The following KRT40 variants were observed in gnomAD, a reference collection of about 807,000 sequenced individuals.
KRT40 encodes keratin, type I cytoskeletal 40.
A neutral mutation model predicts 43.5 loss-of-function variants in KRT40; 47 were observed. The ratio of observed to expected loss-of-function variants is 1.08; its 90% CI spans 0.86 to 1.38. KRT40 has a LOEUF of 1.38. Among genes scored for constraint, KRT40 ranks in the 40% most tolerant of loss-of-function variants. KRT40 has a pLI of 0.00. For synonymous variants in KRT40, 212 were observed against 214.0 expected (o/e 0.99, Z 0.08); for missense variants, 573 against 523.6 (o/e 1.09, Z -0.92).
At chr17:40,982,673 G>C (rs4998926) in intron 2 of KRT40, among the ~76,000 whole-genome samples, 14 of 151,798 alleles carry the variant, frequency 9.2e-5, no homozygotes, top group African/African-American at 2.2e-4. Context: ...GTGTGAGAGA[G>C]AGAGATTGAG....
At position 40,979,030 on chromosome 17, in the gene KRT40, G is replaced by A. The variant is rs746985781; in HGVS notation, c.976-6C>T. On this transcript the variant is annotated splice_region_variant and splice_polypyrimidine_tract_variant and intron_variant, in intron 5 of 6. Transcript: ENST00000377755. ...GTGCATTCCAGAGATTCTGTCTGCG[G>A]GAGGAAACATTGTCCAAAGGACCAT... The A allele has an allele frequency of 2.6e-5, 42 of 1,610,178 alleles. No individual in the cohort carries two copies. The Middle Eastern group carries it at 1.7e-3, about 64-fold the overall frequency.
chr17:40,986,101 T>C (rs7225253), upstream of KRT40, among the ~76,000 whole-genome samples: 464 of 152,316 alleles, frequency 3.0e-3, no homozygotes, highest in African/African-American at 0.011. Flanking sequence ...AATATAGAAA[T>C]CACCCAGAAT....
chr17:40,986,961 C>T (rs1234242531), upstream of KRT40: 1 of 152,164 alleles, frequency 6.6e-6, no homozygotes, highest in Admixed American at 6.5e-5. Flanking sequence ...CTCACAAACC[C>T]TAAGCTCCAG....
rs1912330005 is a variant in KRT40 at position 40,984,057 on chromosome 17, A to G, written c.217T>C (p.Leu73=). 4 of 1,614,082 alleles carry G rather than the reference A, an allele frequency of 2.5e-6. No individual in the cohort carries two copies. The highest frequency in any genetic ancestry group is 1.6e-4 in the Middle Eastern group (1 of 6,062). ...TCACACCAGGCACAGTTCCCCACCA[A>G]GCAGGGACTATTACAACTCCCAGTA... is the stretch of plus-strand genomic sequence containing the variant. ...YFTGSCNSPC[L]VGNCAWCEDG... The change falls in exon 1 of 7, where the codon TTG becomes CTG. Residue 73 remains leucine (L), a synonymous_variant. Coordinates refer to ENST00000377755, the MANE Select transcript of KRT40 (RefSeq NM_001389244.1).
At position 40,983,832 on chromosome 17, in the gene KRT40, G is replaced by A. The variant is rs1912309921; in HGVS notation, c.442C>T (p.Gln148Ter). The change falls in exon 1 of 7, where the codon CAA (glutamine) becomes TAA (stop). Residue 148 changes from glutamine (Q) to a stop codon, truncating the protein, a stop_gained. Coordinates refer to ENST00000377755, the MANE Select transcript of KRT40 (RefSeq NM_001389244.1). LOFTEE classifies it high-confidence loss of function. ...TAGGGCAACAGGACACAGACCTTTT[G>A]TTGGAGATCTTCAATGGTGTTGAAG... The part of the protein sequence containing the change: ...RYFNTIEDLQ[Q>*]KILCTKAENS... 6.2e-7 allele frequency: 1 copy of A among 1,613,054 alleles called. No homozygotes were observed. The highest frequency in any genetic ancestry group is 8.5e-7 in the Non-Finnish European group (1 of 1,179,062).
At chr17:40,983,792 A>T in intron 1 of KRT40, 35 bp downstream of exon 1, 1 of 1,589,870 alleles carries the variant, frequency 6.3e-7, no homozygotes, top group South Asian at 1.1e-5. Context: ...ACCATAGATC[A>T]GGAAGGTGGA....
chr17:40,982,260 A>C (rs769614095), intron 3 of KRT40, 47 bp downstream of exon 3: 2 of 1,443,668 alleles, frequency 1.4e-6, no homozygotes, highest in South Asian at 3.1e-5. Context: ...TGTCAATGTA[A>C]GTACGTTACT....
At chr17:40,984,960 A>C (rs1439202394), upstream of KRT40, among the ~76,000 whole-genome samples, 1 of 152,172 alleles carries the variant, frequency 6.6e-6, no homozygotes, top group Non-Finnish European at 1.5e-5. Context: ...GCTAAAATAT[A>C]AATTGGTTAG....
In KRT40 at chr17:40,982,339, C is replaced by T; in HGVS notation, c.655G>A (p.Asp219Asn). Residue 219 changes from aspartate (D) to asparagine (N), a missense_variant, in exon 3 of 7, where the codon GAT becomes AAT. Asp to Asn is a conservative substitution (Grantham distance 23). Coordinates refer to ENST00000377755, the MANE Select transcript of KRT40 (RefSeq NM_001389244.1). ...LEAHVESLKEDLLCLKKNHEE... is the reference protein window; with the variant it reads ...LEAHVESLKENLLCLKKNHEE... The stretch of plus-strand genomic sequence containing the variant: ...TGGTTTTTCTTAAGGCAAAGGAGAT[C>T]TTCCTTCAGAGACTCCACATGGGCC... 1 of 1,597,668 alleles carries T rather than the reference C, an allele frequency of 6.3e-7. No individual in the cohort carries two copies. Among genetic ancestry groups the T allele is most frequent in the Non-Finnish European group, 8.5e-7 (1 of 1,173,476 alleles).
Position 40,981,136 on chromosome 17 carries a change from G to A in KRT40, c.703C>T (p.Arg235Cys), listed in dbSNP as rs1345573060. The change falls in exon 4 of 7, where the codon CGT becomes TGT. Residue 235 changes from arginine (R) to cysteine (C), a missense_variant. Transcript: ENST00000377755. ...KNHEEEVNLL[R>C]EQLGDRLSVE... ...CTGAGGCGGTCGCCAAGCTGTTCACGAAGCAAGTTGACTTCCTGAAAGTGG... is the reference window on the plus strand; with the variant it reads ...CTGAGGCGGTCGCCAAGCTGTTCACAAAGCAAGTTGACTTCCTGAAAGTGG... The A allele has an allele frequency of 4.3e-6, 7 of 1,613,688 alleles. No individual in the cohort carries two copies. Among genetic ancestry groups the A allele is most frequent in the Admixed American group, 1.7e-5 (1 of 59,948 alleles).
intron 3 of KRT40, 86 bp downstream of exon 3, chr17:40,982,221 A>G: frequency 7.7e-7 from 1 of 1,293,406 alleles, no homozygotes; most frequent in Non-Finnish European, 1.0e-6. Context: ...ATCTGCCCAA[A>G]TTCGATTTAC....
chr17:40,986,781 T>A (rs544535854), upstream of KRT40: 1 of 151,830 alleles, frequency 6.6e-6, no homozygotes. Flanking sequence ...CATAATACTA[T>A]GCTCTTACCT....
chr17:40,984,348 G>C, upstream of KRT40: 1 of 1,149,774 alleles, frequency 8.7e-7, no homozygotes, highest in Non-Finnish European at 1.2e-6. Flanking sequence ...TCTCCTGAGA[G>C]TTTTATAACC....
intron 6 of KRT40, 30 bp downstream of exon 6, chr17:40,978,774 G>C (rs749518781): frequency 9.5e-6 from 15 of 1,579,582 alleles, no homozygotes; most frequent in South Asian, 3.3e-5. Flanking sequence ...TGTGACTCTG[G>C]GGGATTTCAT....
At chr17:40,986,016 G>T (rs1041393158), upstream of KRT40, among the ~76,000 whole-genome samples, 1 of 152,150 alleles carries the variant, frequency 6.6e-6, no homozygotes, top group Non-Finnish European at 1.5e-5. Context: ...TGTCCTGCAG[G>T]TAGGACTATT....
chr17:40,984,105 C>A lies in KRT40; in HGVS notation c.169G>T (p.Gly57Cys). Reference sequence around the variant, plus strand: ...GTAAAGTAGCATGGCAGGAGGCAACCAGTCAGCCCGCGAGACCTGGATAGG... The same window carrying A: ...GTAAAGTAGCATGGCAGGAGGCAACAAGTCAGCCCGCGAGACCTGGATAGG... ...SFLSRSRGLTGCLLPCYFTGS... is the reference protein window; with the variant it reads ...SFLSRSRGLTCCLLPCYFTGS... The change falls in exon 1 of 7, where the codon GGT (glycine) becomes TGT (cysteine). Residue 57 changes from glycine to cysteine, a missense_variant. Physicochemically the swap from Gly to Cys is radical, Grantham distance 159 (BLOSUM62 -3). Coordinates refer to ENST00000377755, the MANE Select transcript of KRT40 (RefSeq NM_001389244.1). 6.2e-7 allele frequency: 1 copy of A among 1,614,060 alleles called. No homozygotes were observed. Among genetic ancestry groups the A allele is most frequent in the Non-Finnish European group, 8.5e-7 (1 of 1,180,010 alleles).
intron 5 of KRT40, among the ~76,000 whole-genome samples, chr17:40,980,004 T>A (rs540411077): frequency 1.6e-4 from 25 of 152,230 alleles, no homozygotes. Flanking sequence ...ATATCACATC[T>A]ACGTAAAAAA....
chr17:40,984,228 C>G lies in KRT40; in HGVS notation c.46G>C (p.Gly16Arg). 6.2e-7 allele frequency: 1 copy of G among 1,613,834 alleles called. No individual in the cohort carries two copies. The highest frequency in any genetic ancestry group is 1.1e-5 in the South Asian group (1 of 91,040). ...GCAGGTGCACAACCGGAAGCCGTGCCACAGGACTCAGGAGAGCAGTGTGTG... is the reference window on the plus strand; with the variant it reads ...GCAGGTGCACAACCGGAAGCCGTGCGACAGGACTCAGGAGAGCAGTGTGTG... ...SSTHCSPESCGTASGCAPASS... is the reference protein window; with the variant it reads ...SSTHCSPESCRTASGCAPASS... The change falls in exon 1 of 7, where the codon GGC becomes CGC. Residue 16 changes from glycine (G) to arginine (R), a missense_variant. Physicochemically the swap from Gly to Arg is moderately radical, Grantham distance 125. Coordinates refer to ENST00000377755, the MANE Select transcript of KRT40 (RefSeq NM_001389244.1).
chr17:40,979,515 A>G (rs1379727780), intron 5 of KRT40, among the ~76,000 whole-genome samples: 1 of 145,822 alleles, frequency 6.9e-6, no homozygotes, highest in Non-Finnish European at 1.5e-5. Context: ...AAAAAAAAAA[A>G]GAGTTAATGT....
Sources: gnomAD v4.1 joint callset for allele counts (sites outside exome capture counted in the v4.1 genomes callset) on GRCh38, gnomAD v4.1.1 for gene constraint, MANE v1.5 for transcripts, NCBI Gene and HGNC (gene_info 2026-07-23, HGNC 2026-07-21) for gene names.